The following WIZ variants were observed in gnomAD, a reference collection of about 807,000 sequenced individuals.
The protein encoded by WIZ is WIZ zinc finger.
WIZ carries 25 observed loss-of-function variants against 140.2 expected under a neutral mutation model. That is an observed-to-expected ratio of 0.18 (90% CI 0.13 to 0.25). WIZ has a LOEUF of 0.25. Among genes scored for constraint, WIZ ranks in the 10% least tolerant of loss-of-function variants. The pLI is 1.00. For synonymous variants in WIZ, 1,125 were observed against 1,154.3 expected, an observed-to-expected ratio of 0.97 and a Z score of 0.51; for missense variants, 2,231 against 2,632.6, an observed-to-expected ratio of 0.85 and a Z score of 3.34.
intron 5 of WIZ, among the ~76,000 whole-genome samples, chr19:15,431,393 T>A (rs1969228040): frequency 6.6e-6 from 1 of 152,318 alleles, no homozygotes. Flanking sequence ...CAGCAGCTGC[T>A]TCCACACACT....
At chr19:15,426,569 A>C (rs1297691461) in intron 9 of WIZ, among the ~76,000 whole-genome samples, 1 of 152,046 alleles carries the variant, frequency 6.6e-6, no homozygotes, top group Non-Finnish European at 1.5e-5. Context: ...CTCACACTTG[A>C]CTCCCAATGT....
At chr19:15,444,490 TG>T (rs1969849782) in intron 2 of WIZ, among the ~76,000 whole-genome samples, 1 of 152,148 alleles carries the variant, frequency 6.6e-6, no homozygotes, top group Admixed American at 6.5e-5. Context: ...GCAGCATCCT[TG>T]GCCTCCACAC....
intron 2 of WIZ, 116 bp downstream of exon 2, chr19:15,447,987 C>T (rs1182437309): frequency 5.7e-6 from 7 of 1,219,792 alleles, no homozygotes; most frequent in Non-Finnish European, 5.9e-6. Context: ...AGGCTCTGGA[C>T]CCAAGCGGAA....
Position 15,428,235 on chromosome 19 carries a change from G to C in WIZ, c.3689C>G (p.Pro1230Arg), listed in dbSNP as rs1223432561. 8.5e-6 allele frequency: 13 copies of C among 1,531,486 alleles called. No individual in the cohort carries two copies. The highest frequency in any genetic ancestry group is 1.0e-5 in the Non-Finnish European group (12 of 1,145,390). The allele number at this position is 1,531,486 out of a possible 1,614,324, so 94.9% of individuals were successfully genotyped here. ...GGCCTTCAGCTTGGCCTTCTTGGCC[G>C]GCGGTGGGGGGGGAAGCAAGGAGAG... ...AALSLLPPPP[P>R]AKKAKLKAAG... Residue 1230 changes from proline to arginine, a missense_variant, in exon 8 of 13, where the codon CCG (proline) becomes CGG (arginine). By Grantham distance (103) the Pro-to-Arg change is moderately radical. Transcript: ENST00000673675. The surrounding 1 kb of genome is among the most constrained non-coding windows in gnomAD (Gnocchi z 6.4).
At position 15,439,186 on chromosome 19, in the gene WIZ, G is replaced by A; in HGVS notation, c.1808C>T (p.Pro603Leu). Residue 603 changes from proline (P) to leucine (L), a missense_variant, in exon 4 of 13, where the codon CCA (proline) becomes CTA (leucine). By Grantham distance (98) the Pro-to-Leu change is moderately conservative (BLOSUM62 -3). Transcript: ENST00000673675. The surrounding 1 kb of genome is among the most constrained non-coding windows in gnomAD (Gnocchi z 7.0). ...GCGCCTCCGTTCCCCCAGCCCTTGTGGGTGGACGGTGCTTTTGTTTCTCCC... is the reference window on the plus strand; with the variant it reads ...GCGCCTCCGTTCCCCCAGCCCTTGTAGGTGGACGGTGCTTTTGTTTCTCCC... ...QLGRNKSTVH[P>L]QGLGERRRPW... 1 of 1,535,464 alleles carries A rather than the reference G, an allele frequency of 6.5e-7. No individual in the cohort carries two copies. The highest frequency in any genetic ancestry group is 8.7e-7 in the Non-Finnish European group (1 of 1,146,532).
intron 4 of WIZ, 136 bp from the exon 5 acceptor site, chr19:15,437,265 A>G (rs984159222): frequency 8.1e-5 from 66 of 810,130 alleles, no homozygotes; most frequent in Non-Finnish European, 1.1e-4. Context: ...CCTGCTCCTC[A>G]GCTCTCAGCT....
Position 15,426,560 on chromosome 19 carries a change from T to G in WIZ, c.4366+422A>C, listed in dbSNP as rs562120894. The stretch of plus-strand genomic sequence containing the variant: ...ACTGTGGAGGAACAGAGATCTTAAC[T>G]CACACTTGACTCCCAATGTCAAGCA... On this transcript the variant is annotated intron_variant, in intron 9 of 12. Transcript: ENST00000673675. Among the ~76,000 whole-genome samples the G allele has an allele frequency of 8.5e-5, 13 of 152,302 alleles. No homozygotes were observed. In the East Asian group the frequency reaches 2.5e-3, roughly 29 times the overall value.
At chr19:15,432,331 G>C (rs1183519598) in intron 5 of WIZ, 1 of 614,926 alleles carries the variant, frequency 1.6e-6, no homozygotes, top group Non-Finnish European at 2.0e-6. Context: ...CCTGGGGGAG[G>C]GGGGGGTCCC....
Position 15,448,357 on chromosome 19 carries a change from G to A in WIZ, c.-50C>T. 1 of 1,599,150 alleles carries A rather than the reference G, an allele frequency of 6.3e-7. No homozygotes were observed. Among genetic ancestry groups the A allele is most frequent in the Non-Finnish European group, 8.5e-7 (1 of 1,176,190 alleles). ...TCAGCTGCTGCACCGGCTCAGCGGG[G>A]CATTGTGGGCCTGGGGATAGAGAGA... On this transcript the variant is annotated 5_prime_UTR_variant, in exon 2 of 13. Transcript: ENST00000673675.
intron 2 of WIZ, among the ~76,000 whole-genome samples, chr19:15,444,667 G>A (rs1969855177): frequency 6.6e-6 from 1 of 152,210 alleles, no homozygotes; most frequent in Non-Finnish European, 1.5e-5. Context: ...GGGTGTTGGA[G>A]AGGGCGTTCA....
rs1968347227 is a variant in WIZ, at chr19:15,421,000, C to T, written c.*2076G>A. ...GGGTGGTGGTGCATGCCTGTGATCC[C>T]AGCTACCTGGATGGCTGAGGCAGGA... On this transcript the variant is annotated 3_prime_UTR_variant, in exon 13 of 13. Transcript: ENST00000673675. The T allele has an allele frequency of 6.6e-6, 1 of 152,116 alleles. No homozygotes were observed. Among genetic ancestry groups the T allele is most frequent in the Admixed American group, 6.6e-5 (1 of 15,264 alleles). The allele number at this position is 152,116 out of a possible 1,614,324, so 9.4% of individuals were successfully genotyped here. A position where few individuals can be genotyped will look rare whatever the true frequency, so the allele number is the denominator to read the frequency against.
Position 15,439,904 on chromosome 19 carries a change from G to C in WIZ, c.1090C>G (p.Pro364Ala). ...CGECGWAFAD[P>A]TALEQHRQLH... Reference sequence around the variant, plus strand: ...TGCCGGTGCTGCTCCAGGGCAGTGGGGTCAGCAAAGGCCCAGCCACACTCC... The same window carrying C: ...TGCCGGTGCTGCTCCAGGGCAGTGGCGTCAGCAAAGGCCCAGCCACACTCC... The change falls in exon 4 of 13, where the codon CCC becomes GCC. Residue 364 changes from proline (P) to alanine (A), a missense_variant. By Grantham distance (27) the Pro-to-Ala change is conservative. Transcript: ENST00000673675. This position sits in a 1 kb window ranked among gnomAD's most constrained non-coding sequence, Gnocchi z 7.0. 6.5e-7 allele frequency: 1 copy of C among 1,527,994 alleles called. No homozygotes were observed. The highest frequency in any genetic ancestry group is 2.0e-5 in the Admixed American group (1 of 49,886). 94.7% of individuals were successfully genotyped at this position (1,527,994 alleles called of 1,614,324 possible).
rs1300909569 is a variant in WIZ, at chr19:15,440,781, T to C, written c.279-66A>G. ...GCAGTTTTCCTTCCTAGGGTGGTGA[T>C]GGGGGTCCTCCCAGGCCGTTTGAAG... On this transcript the variant is annotated intron_variant, in intron 3 of 12. Transcript: ENST00000673675. This position sits in a 1 kb window ranked among gnomAD's most constrained non-coding sequence, Gnocchi z 6.2. 7.6e-7 allele frequency: 1 copy of C among 1,318,404 alleles called. No individual in the cohort carries two copies. The highest frequency in any genetic ancestry group is 1.5e-5 in the African/African-American group (1 of 65,692). The allele number at this position is 1,318,404 out of a possible 1,614,324, so 81.7% of individuals were successfully genotyped here. A position where few individuals can be genotyped will look rare whatever the true frequency, so the allele number is the denominator to read the frequency against.
In WIZ at chr19:15,423,148, G is replaced by A; in HGVS notation, c.5598C>T (p.Phe1866=). Residue 1866 remains phenylalanine, a synonymous_variant, in exon 13 of 13, where the codon TTC becomes TTT. Coordinates refer to ENST00000673675, the MANE Select transcript of WIZ (RefSeq NM_001371589.1). ...CCTCAGGTGGGGGGTCCGCTTTGGA[G>A]AAGTTCATCTCCAGGATGTGCCGCT... The part of the protein sequence containing the change: ...HLQRHILEMN[F]SKADPPPEES... 1 of 1,613,230 alleles carries A rather than the reference G, an allele frequency of 6.2e-7. No homozygotes were observed. Among genetic ancestry groups the A allele is most frequent in the Admixed American group, 1.7e-5 (1 of 60,014 alleles).
chr19:15,429,860 GACCACCT>G lies in WIZ; in HGVS notation c.3134_3140del (p.Glu1045AlafsTer70). ...GCAAGCCGGGCCGGGGGGCCCCGGC[GACCACCT>G]CCTTCAGTGAGCTGGACTTCTTAGC... On this transcript the variant is annotated frameshift_variant, in exon 7 of 13. Coordinates refer to ENST00000673675, the MANE Select transcript of WIZ (RefSeq NM_001371589.1). LOFTEE classifies it high-confidence loss of function. 6.5e-7 allele frequency: 1 copy of G among 1,530,480 alleles called. No homozygotes were observed. Among genetic ancestry groups the G allele is most frequent in the Non-Finnish European group, 8.7e-7 (1 of 1,142,924 alleles). 94.8% of individuals were successfully genotyped at this position (1,530,480 alleles called of 1,614,324 possible).
In WIZ at chr19:15,423,306, T is replaced by A. The variant is rs1366453229; in HGVS notation, c.5511-71A>T. 8 of 1,549,772 alleles carry A rather than the reference T, an allele frequency of 5.2e-6. No individual in the cohort carries two copies. In the East Asian group the frequency reaches 1.2e-4, roughly 22 times the overall value. ...AGGCGGAAGCATAGCCTTGCCAGCA[T>A]CCCTGGGCACACCTGCTGCTACTCA... On this transcript the variant is annotated intron_variant, in intron 12 of 12. Coordinates refer to ENST00000673675, the MANE Select transcript of WIZ (RefSeq NM_001371589.1).
rs778393990 is a variant in WIZ at position 15,428,172 on chromosome 19, G to A, written c.3752C>T (p.Ser1251Leu). 1.5e-5 allele frequency: 23 copies of A among 1,534,394 alleles called. No homozygotes were observed. Among genetic ancestry groups the A allele is most frequent in the African/African-American group, 4.1e-5 (3 of 72,988 alleles). The change falls in exon 8 of 13, where the codon TCG becomes TTG. Residue 1251 changes from serine to leucine, a missense_variant. Around this residue, in one of 15 missense-constraint regions of WIZ, gnomAD observed 141 missense variants for 161.2 expected, o/e 0.87. Coordinates refer to ENST00000673675, the MANE Select transcript of WIZ (RefSeq NM_001371589.1). This position sits in a 1 kb window ranked among gnomAD's most constrained non-coding sequence, Gnocchi z 6.4. ...GAAAATGCCGGCGGCTGCGGCGGCC[G>A]AGAGGTCCTGCTTCCCCCAGGGGCT... is the stretch of plus-strand genomic sequence containing the variant. Reference protein sequence around the residue: ...MASPWGKQDLSAAAAAGIFWA... With the variant: ...MASPWGKQDLLAAAAAGIFWA...
intron 2 of WIZ, among the ~76,000 whole-genome samples, chr19:15,447,602 A>G (rs1285132157): frequency 6.6e-6 from 1 of 152,080 alleles, no homozygotes; most frequent in Admixed American, 6.5e-5. Context: ...AGGTGGGGAG[A>G]GTGTGAGATA....
In WIZ at chr19:15,434,258, TAAAAAAAA is replaced by T. The variant is rs969364743; in HGVS notation, c.2740+2540_2740+2547del. ...GGGCGACAGAGCAGGACTCCATCTT[TAAAAAAAA>T]AAAAAAAAAAAAGGGCCAGGCGTGG... On this transcript the variant is annotated intron_variant, in intron 5 of 12. Coordinates refer to ENST00000673675, the MANE Select transcript of WIZ (RefSeq NM_001371589.1). Among the ~76,000 whole-genome samples, 618 of 67,764 alleles carry T rather than the reference TAAAAAAAA, an allele frequency of 9.1e-3. 6 individuals are homozygous for T. The highest frequency in any genetic ancestry group is 0.032 in the African/African-American group (590 of 18,700). 44.5% of individuals were successfully genotyped at this position (67,764 alleles called of 152,430 possible). A position where few individuals can be genotyped will look rare whatever the true frequency, so the allele number is the denominator to read the frequency against.
Sources: gnomAD v4.1 joint callset for allele counts (sites outside exome capture counted in the v4.1 genomes callset) on GRCh38, gnomAD v4.1.1 for gene constraint, gnomAD v4.1.1 regional missense constraint, Gnocchi (gnomAD v3.1) non-coding constraint, MANE v1.5 for transcripts, NCBI Gene and HGNC (gene_info 2026-07-23, HGNC 2026-07-21) for gene names.